Variants in ERBB4 observed in about 807,000 individuals in gnomAD.
ERBB4 encodes the protein erb-b2 receptor tyrosine kinase 4, also known as receptor tyrosine-protein kinase erbB-4.
A neutral mutation model predicts 158.0 loss-of-function variants in ERBB4; 42 were observed. The observed-to-expected ratio is 0.27, with a 90% CI of 0.21 to 0.34. ERBB4 has a LOEUF of 0.34. ERBB4 is among the 10% of genes least tolerant of loss of function. The probability of loss-of-function intolerance (pLI) is 1.00; values close to 1 mark genes in which losing one functional copy is unlikely to be tolerated. For missense variants in ERBB4, 1,333 were observed against 1,624.1 expected (o/e 0.82, Z 3.08); for synonymous variants, 583 against 558.7 (o/e 1.04, Z -0.61).
chr2:212,273,707 T>C (rs2085423845), intron 1 of ERBB4, among the ~76,000 whole-genome samples: 1 of 151,802 alleles, frequency 6.6e-6, no homozygotes. Flanking sequence ...ACTTCAGGGA[T>C]CATAAAAGTT....
At chr2:212,359,288 C>A (rs1174447742) in intron 1 of ERBB4, among the ~76,000 whole-genome samples, 1 of 150,922 alleles carries the variant, frequency 6.6e-6, no homozygotes, top group Admixed American at 6.7e-5. Context: ...ATATATATAT[C>A]CATATATATC....
chr2:212,043,366 T>C (rs2077183666), intron 2 of ERBB4, among the ~76,000 whole-genome samples: 1 of 152,164 alleles, frequency 6.6e-6, no homozygotes, highest in Non-Finnish European at 1.5e-5. Flanking sequence ...CATTTGTTTC[T>C]AATTGTGCTA....
intron 2 of ERBB4, among the ~76,000 whole-genome samples, chr2:212,047,398 A>C (rs1176930477): frequency 6.6e-6 from 1 of 152,164 alleles, no homozygotes; most frequent in Non-Finnish European, 1.5e-5. Context: ...TGCAAGAATG[A>C]AAAGAATCTT....
At chr2:211,964,959 T>A (rs1224338970) in intron 2 of ERBB4, among the ~76,000 whole-genome samples, 1 of 152,210 alleles carries the variant, frequency 6.6e-6, no homozygotes, top group Non-Finnish European at 1.5e-5. Context: ...AAATTTAATG[T>A]TATTATTTCC....
intron 1 of ERBB4, among the ~76,000 whole-genome samples, chr2:212,449,788 G>C (rs1461973229): frequency 6.6e-6 from 1 of 151,854 alleles, no homozygotes; most frequent in Non-Finnish European, 1.5e-5. Context: ...ACCAGGCTTG[G>C]ATAAACACCC....
intron 3 of ERBB4, among the ~76,000 whole-genome samples, chr2:211,923,877 C>T (rs1046426523): frequency 6.6e-6 from 1 of 152,114 alleles, no homozygotes; most frequent in Admixed American, 6.5e-5. Context: ...CATGCACCAT[C>T]ACGCCAAGCT....
At chr2:212,133,390 T>G (rs867123487) in intron 1 of ERBB4, among the ~76,000 whole-genome samples, 1 of 150,434 alleles carries the variant, frequency 6.6e-6, no homozygotes, top group East Asian at 1.9e-4. Flanking sequence ...TTCTTTTCAT[T>G]TTGGTGTTTT....
At chr2:212,099,556 C>A (rs1303916942) in intron 2 of ERBB4, among the ~76,000 whole-genome samples, 2 of 152,100 alleles carry the variant, frequency 1.3e-5, no homozygotes, top group Non-Finnish European at 2.9e-5. Flanking sequence ...ATAGCTATCT[C>A]CAATCTGCAT....
chr2:212,321,319 T>C (rs2087558834), intron 1 of ERBB4, among the ~76,000 whole-genome samples: 1 of 150,464 alleles, frequency 6.6e-6, no homozygotes, highest in African/African-American at 2.4e-5. Context: ...GTAAGCAAAT[T>C]CCTACCAAAT....
rs1029852425 is a variant in ERBB4, at chr2:211,375,859, A to C, written c.*7756T>G. The stretch of plus-strand genomic sequence containing the variant: ...TATGGAATGAGGCAAAGCAGTTCGC[A>C]TTCTATAATTGCCTTGTACAGGTAC... On this transcript the variant is annotated 3_prime_UTR_variant, in exon 28 of 28. Transcript: ENST00000342788. The C allele has an allele frequency of 1.7e-5, 4 of 232,800 alleles. No homozygotes were observed. Among genetic ancestry groups the C allele is most frequent in the South Asian group, 3.6e-4 (2 of 5,526 alleles). 14.4% of individuals were successfully genotyped at this position (232,800 alleles called of 1,614,324 possible). A position where few individuals can be genotyped will look rare whatever the true frequency, so the allele number is the denominator to read the frequency against.
At position 211,386,855 on chromosome 2, in the gene ERBB4, T is replaced by C; in HGVS notation, c.3479A>G (p.Gln1160Arg). The change falls in exon 27 of 28, where the codon CAA becomes CGA. Residue 1160 changes from glutamine (Q) to arginine (R), a missense_variant and splice_region_variant. By Grantham distance (43) the Gln-to-Arg change is conservative. Coordinates refer to ENST00000342788, the MANE Select transcript of ERBB4 (RefSeq NM_005235.3). Reference protein sequence around the residue: ...YMTPMRDKPKQEYLNPVEENP... With the variant: ...YMTPMRDKPKREYLNPVEENP... ...GTTTCTGAATAATCAGTTCATACCT[T>C]GTTTGGGTTTGTCTCGCATAGGAGT... The C allele has an allele frequency of 6.2e-7, 1 of 1,614,096 alleles. No homozygotes were observed.
chr2:211,977,087 A>T (rs1559230619), intron 2 of ERBB4, among the ~76,000 whole-genome samples: 1 of 152,198 alleles, frequency 6.6e-6, no homozygotes, highest in Non-Finnish European at 1.5e-5. Context: ...TATTCCTTAC[A>T]AAACCCAGCT....
intron 3 of ERBB4, among the ~76,000 whole-genome samples, chr2:211,913,619 ATGTG>A (rs34762084): frequency 0.014 from 1,903 of 132,718 alleles, 30 homozygotes; most frequent in African/African-American, 0.04. Context: ...ATATATATAT[ATGTG>A]TGTGTGTGTG....
At chr2:211,823,548 A>T (rs1347952249) in intron 3 of ERBB4, among the ~76,000 whole-genome samples, 1 of 151,946 alleles carries the variant, frequency 6.6e-6, no homozygotes, top group African/African-American at 2.4e-5. Context: ...TTCCTAGCAG[A>T]ATTCACTTTA....
chr2:212,314,055 C>T (rs961936978), intron 1 of ERBB4, among the ~76,000 whole-genome samples: 3 of 151,194 alleles, frequency 2.0e-5, no homozygotes, highest in African/African-American at 4.8e-5. Flanking sequence ...GAGGTCTTCT[C>T]GCTAAAATAA....
intron 5 of ERBB4, among the ~76,000 whole-genome samples, chr2:211,731,003 C>G (rs893242905): frequency 1.3e-5 from 2 of 152,004 alleles, no homozygotes; most frequent in African/African-American, 4.8e-5. Flanking sequence ...GTAAAGGTCC[C>G]TATCACTAAT....
intron 1 of ERBB4, among the ~76,000 whole-genome samples, chr2:212,154,385 G>A (rs899525840): frequency 2.0e-5 from 3 of 151,914 alleles, no homozygotes; most frequent in African/African-American, 7.2e-5. Context: ...TCTACAAATG[G>A]CACACACACA....
rs1049918239 is a variant in ERBB4, at chr2:211,522,954, G to A, written c.2487+38949C>T. Among the ~76,000 whole-genome samples the A allele has an allele frequency of 2.0e-5, 3 of 151,536 alleles. No individual in the cohort carries two copies. In the East Asian group the frequency reaches 5.9e-4, roughly 30 times the overall value. On this transcript the variant is annotated intron_variant, in intron 20 of 27. Transcript: ENST00000342788. ...GGAGCTGAACCCATAATATCGTGGA[G>A]GTACACCTATACTTGGTAACTTAAG...
At chr2:212,219,073 AGAAAG>A (rs994992510) in intron 1 of ERBB4, among the ~76,000 whole-genome samples, 10 of 151,314 alleles carry the variant, frequency 6.6e-5, no homozygotes, top group Non-Finnish European at 1.2e-4. Context: ...CCCGATTTAA[AGAAAG>A]GAAAGAATAG....
Sources: allele counts gnomAD v4.1 joint callset (sites outside exome capture counted in the v4.1 genomes callset), GRCh38; gene constraint gnomAD v4.1.1; transcripts MANE v1.5; gene names NCBI Gene and HGNC (gene_info 2026-07-23, HGNC 2026-07-21).